BBLN: variants seen among roughly 807,000 people sequenced by gnomAD.
BBLN encodes the protein bublin coiled-coil protein.
BBLN carries 6 observed loss-of-function variants against 7.6 expected under a neutral mutation model. The observed-to-expected ratio is 0.79, with a 90% CI of 0.43 to 1.55. The LOEUF is 1.55. Among genes scored for constraint, BBLN ranks in the 40% most tolerant of loss-of-function variants. The pLI is 0.01. For missense variants in BBLN, 100 were observed against 111.1 expected (o/e 0.90, Z 0.45); for synonymous variants, 35 against 46.7 (o/e 0.75, Z 1.02).
In BBLN at chr9:128,163,634, C is replaced by G. The variant is rs540874014; in HGVS notation, c.*19C>G. On this transcript the variant is annotated 3_prime_UTR_variant, in exon 2 of 2. Coordinates refer to ENST00000372994, the MANE Select transcript of BBLN (RefSeq NM_024112.4). The surrounding 1 kb of genome is among the most constrained non-coding windows in gnomAD (Gnocchi z 5.7). Reference sequence around the variant, plus strand: ...CCCCTAGGCTCCAAGAGCCCCCAACCGGGACCCAACCCTGCCTCCCTGGGC... The same window carrying G: ...CCCCTAGGCTCCAAGAGCCCCCAACGGGGACCCAACCCTGCCTCCCTGGGC... 120 of 1,471,250 alleles carry G rather than the reference C, an allele frequency of 8.2e-5. No individual in the cohort carries two copies. Among genetic ancestry groups the G allele is most frequent in the Non-Finnish European group, 1.0e-4 (115 of 1,106,504 alleles). 91.1% of individuals were successfully genotyped at this position (1,471,250 alleles called of 1,614,324 possible).
chr9:128,160,402 C>A lies in BBLN; in HGVS notation c.-6C>A. ...TCGCGCGGCCCTTCGGGCGCCCGAG[C>A]CCGCAATGTCGGGCCCCAACGGAGA... is the stretch of plus-strand genomic sequence containing the variant. On this transcript the variant is annotated 5_prime_UTR_variant, in exon 1 of 2. Coordinates refer to ENST00000372994, the MANE Select transcript of BBLN (RefSeq NM_024112.4). 8.0e-7 allele frequency: 1 copy of A among 1,254,152 alleles called. No individual in the cohort carries two copies. Among genetic ancestry groups the A allele is most frequent in the Non-Finnish European group, 1.0e-6 (1 of 992,832 alleles). 77.7% of individuals were successfully genotyped at this position (1,254,152 alleles called of 1,614,324 possible).
Position 128,163,212 on chromosome 9 carries a change from A to G in BBLN, c.80-231A>G, listed in dbSNP as rs1389027254. Among the ~76,000 whole-genome samples the G allele has an allele frequency of 4.6e-5, 7 of 152,172 alleles. No homozygotes were observed. The highest frequency in any genetic ancestry group is 1.5e-5 in the Non-Finnish European group (1 of 68,024). ...ATGTAGGACACTGGCTCGCCACCCT[A>G]TGACCACCCTAACCCTAGAAAAAAG... On this transcript the variant is annotated intron_variant, in intron 1 of 1. Transcript: ENST00000372994. This position sits in a 1 kb window ranked among gnomAD's most constrained non-coding sequence, Gnocchi z 5.7.
intron 1 of BBLN, chr9:128,162,771 A>G: frequency 6.5e-6 from 1 of 153,610 alleles, no homozygotes; most frequent in Non-Finnish European, 1.5e-5. Context: ...AGGGCTGAGG[A>G]GGGCTAGGGG....
intron 1 of BBLN, among the ~76,000 whole-genome samples, chr9:128,160,861 C>A (rs1399414232): frequency 1.3e-5 from 2 of 152,216 alleles, no homozygotes; most frequent in African/African-American, 4.8e-5. Flanking sequence ...GGGCGTCGCT[C>A]TGCCGATTCA....
chr9:128,162,339 G>A (rs1320884298), intron 1 of BBLN: 2 of 152,586 alleles, frequency 1.3e-5, no homozygotes, highest in African/African-American at 2.4e-5. Context: ...TGGCAGCTGA[G>A]TGTATGTGAG....
rs1829273598 is a variant in BBLN, at chr9:128,163,320, C to T, written c.80-123C>T. 2.4e-6 allele frequency: 2 copies of T among 828,514 alleles called. No individual in the cohort carries two copies. The highest frequency in any genetic ancestry group is 3.6e-6 in the Non-Finnish European group (2 of 557,172). 51.3% of individuals were successfully genotyped at this position (828,514 alleles called of 1,614,324 possible). A position where few individuals can be genotyped will look rare whatever the true frequency, so the allele number is the denominator to read the frequency against. ...TTTTCCAGACGGTGACACTGAGGCT[C>T]AGGAAGCAGTAGGGACTTGCACAAA... On this transcript the variant is annotated intron_variant, in intron 1 of 1. Coordinates refer to ENST00000372994, the MANE Select transcript of BBLN (RefSeq NM_024112.4). The surrounding 1 kb of genome is among the most constrained non-coding windows in gnomAD (Gnocchi z 5.7).
rs1423021407 is a variant in BBLN, at chr9:128,160,345, G to A, written c.-63G>A. 2 of 1,030,510 alleles carry A rather than the reference G, an allele frequency of 1.9e-6. No homozygotes were observed. Among genetic ancestry groups the A allele is most frequent in the Non-Finnish European group, 2.5e-6 (2 of 798,946 alleles). 63.8% of individuals were successfully genotyped at this position (1,030,510 alleles called of 1,614,324 possible). The stretch of plus-strand genomic sequence containing the variant: ...CGCCTCCACCTTCCATCCGGCGCCG[G>A]CTTTCGGCGCGACGGTCGCCGCGTT... On this transcript the variant is annotated 5_prime_UTR_variant, in exon 1 of 2. Coordinates refer to ENST00000372994, the MANE Select transcript of BBLN (RefSeq NM_024112.4).
intron 1 of BBLN, chr9:128,162,643 T>C (rs4837250): frequency 0.98 from 149,234 of 152,476 alleles, 73,104 homozygotes; most frequent in East Asian, 1. Flanking sequence ...AAATGCTTAT[T>C]GCAAAACTGT....
chr9:128,163,730 G>A lies in BBLN; in HGVS notation c.*115G>A, dbSNP rs975711790. 1 of 965,698 alleles carries A rather than the reference G, an allele frequency of 1.0e-6. No homozygotes were observed. The highest frequency in any genetic ancestry group is 1.7e-5 in the African/African-American group (1 of 59,048). The allele number at this position is 965,698 out of a possible 1,614,324, so 59.8% of individuals were successfully genotyped here. A position where few individuals can be genotyped will look rare whatever the true frequency, so the allele number is the denominator to read the frequency against. On this transcript the variant is annotated 3_prime_UTR_variant, in exon 2 of 2. Transcript: ENST00000372994. The surrounding 1 kb of genome is among the most constrained non-coding windows in gnomAD (Gnocchi z 5.7). ...AAGGGCTGGCCTTCAGGGACCCCTG[G>A]TGGGTCTGCCTGCCTGGGCCACCCT...
Position 128,163,606 on chromosome 9 carries a change from C to T in BBLN, c.243C>T (p.Ala81=), listed in dbSNP as rs756367617. ...AGCTCGGGGAGGCCCCCAGTGATGC[C>T]AGCCCCTAGGCTCCAAGAGCCCCCA... The part of the protein sequence containing the change: ...QQQLGEAPSD[A]SP The change falls in exon 2 of 2, where the codon GCC becomes GCT. Residue 81 remains alanine, a synonymous_variant. Coordinates refer to ENST00000372994, the MANE Select transcript of BBLN (RefSeq NM_024112.4). This position sits in a 1 kb window ranked among gnomAD's most constrained non-coding sequence, Gnocchi z 5.7. The T allele has an allele frequency of 3.2e-6, 5 of 1,541,908 alleles. No homozygotes were observed. Among genetic ancestry groups the T allele is most frequent in the Non-Finnish European group, 4.4e-6 (5 of 1,141,828 alleles).
At chr9:128,161,673 C>A (rs976442438) in intron 1 of BBLN, among the ~76,000 whole-genome samples, 2 of 149,492 alleles carry the variant, frequency 1.3e-5, no homozygotes, top group Non-Finnish European at 3.0e-5. Flanking sequence ...CGGAGTCTTG[C>A]TCTGTTGCCC....
Position 128,160,429 on chromosome 9 carries a change from C to T in BBLN, c.22C>T (p.Leu8=). The change falls in exon 1 of 2, where the codon CTG becomes TTG. Residue 8 remains leucine, a synonymous_variant. Transcript: ENST00000372994. MSGPNGD[L]GMPVEAGAEG... The stretch of plus-strand genomic sequence containing the variant: ...CGCAATGTCGGGCCCCAACGGAGAC[C>T]TGGGGATGCCGGTGGAGGCGGGAGC... The T allele has an allele frequency of 7.9e-7, 1 of 1,272,268 alleles. No homozygotes were observed. Among genetic ancestry groups the T allele is most frequent in the Non-Finnish European group, 1.0e-6 (1 of 1,001,216 alleles). The allele number at this position is 1,272,268 out of a possible 1,614,324, so 78.8% of individuals were successfully genotyped here. A position where few individuals can be genotyped will look rare whatever the true frequency, so the allele number is the denominator to read the frequency against.
rs1476301510 is a variant in BBLN at position 128,160,286 on chromosome 9, C to A, written c.-122C>A. On this transcript the variant is annotated 5_prime_UTR_variant, in exon 1 of 2. Coordinates refer to ENST00000372994, the MANE Select transcript of BBLN (RefSeq NM_024112.4). ...CGGCCTCTGGGCGGAGATCTGCTGC[C>A]GCGTTCTACCCTTCCGGCCCGTGTT... 2 of 485,608 alleles carry A rather than the reference C, an allele frequency of 4.1e-6. No individual in the cohort carries two copies. Among genetic ancestry groups the A allele is most frequent in the East Asian group, 3.5e-5 (1 of 28,384 alleles). 30.1% of individuals were successfully genotyped at this position (485,608 alleles called of 1,614,324 possible).
chr9:128,163,863 A>C lies in BBLN; in HGVS notation c.*248A>C. 4.2e-6 allele frequency: 2 copies of C among 472,050 alleles called. No homozygotes were observed. The highest frequency in any genetic ancestry group is 7.5e-6 in the Non-Finnish European group (2 of 266,080). The allele number at this position is 472,050 out of a possible 1,614,324, so 29.2% of individuals were successfully genotyped here. A position where few individuals can be genotyped will look rare whatever the true frequency, so the allele number is the denominator to read the frequency against. On this transcript the variant is annotated 3_prime_UTR_variant, in exon 2 of 2. Transcript: ENST00000372994. The surrounding 1 kb of genome is among the most constrained non-coding windows in gnomAD (Gnocchi z 5.7). ...ACCCACCCACTTGCCTGCCCACCCA[A>C]CTCCTGGGCGCTCCCCACTCTGCCC...
chr9:128,160,562 C>T, intron 1 of BBLN, 76 bp downstream of exon 1: 1 of 982,654 alleles, frequency 1.0e-6, no homozygotes, highest in Middle Eastern at 2.2e-4. Flanking sequence ...GAGATGGGGT[C>T]TCGGAAGGGA....
rs1306546135 is a variant in BBLN at position 128,163,014 on chromosome 9, G to C, written c.80-429G>C. 1 of 157,840 alleles carries C rather than the reference G, an allele frequency of 6.3e-6. No individual in the cohort carries two copies. Among genetic ancestry groups the C allele is most frequent in the African/African-American group, 2.4e-5 (1 of 41,570 alleles). The allele number at this position is 157,840 out of a possible 1,614,324, so 9.8% of individuals were successfully genotyped here. ...GCAGGGAGGCAGGGCTAGCTAGGAG[G>C]CAGGGGCTGGAGACTCCGCTGGGTG... is the stretch of plus-strand genomic sequence containing the variant. On this transcript the variant is annotated intron_variant, in intron 1 of 1. Transcript: ENST00000372994. This position sits in a 1 kb window ranked among gnomAD's most constrained non-coding sequence, Gnocchi z 5.7.
intron 1 of BBLN, chr9:128,162,364 A>C (rs1829265416): frequency 6.6e-6 from 1 of 152,388 alleles, no homozygotes; most frequent in Admixed American, 6.5e-5. Context: ...GGGCTGGCTC[A>C]GAACTGGGTC....
At position 128,163,255 on chromosome 9, in the gene BBLN, T is replaced by C. The variant is rs1460735285; in HGVS notation, c.80-188T>C. ...GAAAAAAGGATGCAGTACTAAAGTGTCATTCATTCAAAGCCACTCCTCTTT... is the reference window on the plus strand; with the variant it reads ...GAAAAAAGGATGCAGTACTAAAGTGCCATTCATTCAAAGCCACTCCTCTTT... On this transcript the variant is annotated intron_variant, in intron 1 of 1. Coordinates refer to ENST00000372994, the MANE Select transcript of BBLN (RefSeq NM_024112.4). This position sits in a 1 kb window ranked among gnomAD's most constrained non-coding sequence, Gnocchi z 5.7. Among the ~76,000 whole-genome samples the C allele has an allele frequency of 6.6e-6, 1 of 152,166 alleles. No individual in the cohort carries two copies. Among genetic ancestry groups the C allele is most frequent in the Non-Finnish European group, 1.5e-5 (1 of 68,024 alleles).
At position 128,163,699 on chromosome 9, in the gene BBLN, C is replaced by A; in HGVS notation, c.*84C>A. On this transcript the variant is annotated 3_prime_UTR_variant, in exon 2 of 2. Coordinates refer to ENST00000372994, the MANE Select transcript of BBLN (RefSeq NM_024112.4). The surrounding 1 kb of genome is among the most constrained non-coding windows in gnomAD (Gnocchi z 5.7). ...GGCACTCACCCCCTGGCTTAGACAC[C>A]TTCTCAAGGGCTGGCCTTCAGGGAC... 2 of 1,195,978 alleles carry A rather than the reference C, an allele frequency of 1.7e-6. No individual in the cohort carries two copies. Among genetic ancestry groups the A allele is most frequent in the South Asian group, 3.5e-5 (2 of 56,524 alleles). The allele number at this position is 1,195,978 out of a possible 1,614,324, so 74.1% of individuals were successfully genotyped here. A position where few individuals can be genotyped will look rare whatever the true frequency, so the allele number is the denominator to read the frequency against.
Sources: gnomAD v4.1 joint callset for allele counts (sites outside exome capture counted in the v4.1 genomes callset) on GRCh38, gnomAD v4.1.1 for gene constraint, Gnocchi (gnomAD v3.1) non-coding constraint, MANE v1.5 for transcripts, NCBI Gene and HGNC (gene_info 2026-07-23, HGNC 2026-07-21) for gene names.